The following RHOBTB3 variants were observed in gnomAD, a reference collection of about 807,000 sequenced individuals.
RHOBTB3 encodes Rho related BTB domain containing 3.
Under a neutral mutation model 67.2 loss-of-function variants are expected in RHOBTB3, and 47 were observed. The ratio of observed to expected loss-of-function variants is 0.70; its 90% CI spans 0.55 to 0.89. The LOEUF (loss-of-function observed/expected upper bound fraction) is 0.89, where lower values mean the gene tolerates loss of function less well. RHOBTB3 is among the 40% of genes least tolerant of loss of function. RHOBTB3 has a pLI of 0.00. For synonymous variants in RHOBTB3, 273 were observed against 274.2 expected, an observed-to-expected ratio of 1.00 and a Z score of 0.04; for missense variants, 631 against 750.0, an observed-to-expected ratio of 0.84 and a Z score of 1.85.
chr5:95,775,510 A>G, intron 8 of RHOBTB3, among the ~76,000 whole-genome samples: 1 of 151,514 alleles, frequency 6.6e-6, no homozygotes, highest in Non-Finnish European at 1.5e-5. Flanking sequence ...TCTAAAAAAA[A>G]TGGAAATGTT....
intron 5 of RHOBTB3, 48 bp downstream of exon 5, chr5:95,752,398 G>T: frequency 8.3e-7 from 1 of 1,209,224 alleles, no homozygotes; most frequent in Non-Finnish European, 1.2e-6. Context: ...ATTCATTACA[G>T]ATCCTTTCTC....
Position 95,755,649 on chromosome 5 carries a change from T to C in RHOBTB3, c.936T>C (p.Thr312=). The change falls in exon 6 of 12, where the codon ACT becomes ACC. Residue 312 remains threonine, a synonymous_variant. Coordinates refer to ENST00000379982, the MANE Select transcript of RHOBTB3 (RefSeq NM_014899.4). The part of the protein sequence containing the change: ...TQDLFAINRD[T]AFPGASHESS... ...ATCTTTTTGCTATAAACAGAGATAC[T>C]GCATTTCCAGGTGCTAGCCATGAAT... is the stretch of plus-strand genomic sequence containing the variant. 1 of 1,614,208 alleles carries C rather than the reference T, an allele frequency of 6.2e-7. No homozygotes were observed. The highest frequency in any genetic ancestry group is 8.5e-7 in the Non-Finnish European group (1 of 1,180,030).
At chr5:95,777,893 C>A (rs1470544418) in intron 8 of RHOBTB3, among the ~76,000 whole-genome samples, 1 of 152,052 alleles carries the variant, frequency 6.6e-6, no homozygotes, top group Non-Finnish European at 1.5e-5. Context: ...GAGGTGGGAG[C>A]ATCACGTGAA....
chr5:95,731,965 G>C lies in RHOBTB3; in HGVS notation c.109G>C (p.Gly37Arg). Residue 37 changes from glycine (G) to arginine (R), a missense_variant, in exon 2 of 12, where the codon GGG (glycine) becomes CGG (arginine). Gly to Arg is a moderately radical substitution (Grantham distance 125). Transcript: ENST00000379982. ...TYLGRSPLVSGDESSLLLNAA... is the reference protein window; with the variant it reads ...TYLGRSPLVSRDESSLLLNAA... ...CCTGGGGAGAAGCCCTCTGGTCTCC[G>C]GGGACGAGAGCAGCTTGTTGCTGAA... 1 of 1,614,140 alleles carries C rather than the reference G, an allele frequency of 6.2e-7. No individual in the cohort carries two copies. Among genetic ancestry groups the C allele is most frequent in the Non-Finnish European group, 8.5e-7 (1 of 1,180,020 alleles).
At chr5:95,738,962 C>CA (rs1755529034) in intron 3 of RHOBTB3, among the ~76,000 whole-genome samples, 2 of 152,204 alleles carry the variant, frequency 1.3e-5, no homozygotes, top group Non-Finnish European at 2.9e-5. Flanking sequence ...CTCCCACACA[C>CA]ACACAGCAGA....
intron 11 of RHOBTB3, chr5:95,789,070 A>G (rs1235870667): frequency 2.3e-6 from 1 of 444,330 alleles, no homozygotes. Context: ...GAAGTTTTCT[A>G]ATGATTATTT....
chr5:95,726,427 G>A (rs779845589), upstream of RHOBTB3, among the ~76,000 whole-genome samples: 3 of 152,042 alleles, frequency 2.0e-5, no homozygotes, highest in South Asian at 2.1e-4. Flanking sequence ...TATTGAATTC[G>A]CCTTCAATAC....
intron 10 of RHOBTB3, among the ~76,000 whole-genome samples, chr5:95,785,741 C>A (rs1746206430): frequency 6.6e-6 from 1 of 152,252 alleles, no homozygotes; most frequent in African/African-American, 2.4e-5. Context: ...TTTGATGTAT[C>A]ATTTTCATAC....
intron 1 of RHOBTB3, among the ~76,000 whole-genome samples, chr5:95,718,423 T>C (rs1754750620): frequency 6.6e-6 from 1 of 152,210 alleles, no homozygotes; most frequent in African/African-American, 2.4e-5. Context: ...AGAACGGATG[T>C]GGCTACATGC....
intron 10 of RHOBTB3, among the ~76,000 whole-genome samples, 170 bp from the exon 11 acceptor site, chr5:95,788,592 A>C: frequency 6.6e-6 from 1 of 152,320 alleles, no homozygotes; most frequent in East Asian, 1.9e-4. Context: ...ATTTGCTAAT[A>C]GTGCTCCCTC....
chr5:95,732,496 C>A (rs570360793), intron 2 of RHOBTB3: 122 of 305,726 alleles, frequency 4.0e-4, no homozygotes, highest in Non-Finnish European at 6.7e-4. Flanking sequence ...AAGCTCAACA[C>A]AGGCAAAAAT....
rs1746538445 is a variant in RHOBTB3 at position 95,795,336 on chromosome 5, C to T, written c.*2162C>T. 6.6e-6 allele frequency: 1 copy of T among 152,146 alleles called. No homozygotes were observed. Among genetic ancestry groups the T allele is most frequent in the South Asian group, 2.1e-4 (1 of 4,828 alleles). 9.4% of individuals were successfully genotyped at this position (152,146 alleles called of 1,614,324 possible). ...TGGTAGATTTCTAGAAATTCATTCA[C>T]ATTTAAGACTTCTAAAATGGAATAA... On this transcript the variant is annotated 3_prime_UTR_variant, in exon 12 of 12. Transcript: ENST00000379982.
rs1330610659 is a variant in RHOBTB3 at position 95,724,972 on chromosome 5, G to A, written n.134-6887G>A. On this transcript the variant is annotated intron_variant and non_coding_transcript_variant, in intron 1 of 5. Coordinates refer to the RHOBTB3 transcript ENST00000504949. ...GGAGGCTGAGGTGAGAGAATCAATTGAGTCTAGCCTAGTCAAAAAAGTGAG... is the reference window on the plus strand; with the variant it reads ...GGAGGCTGAGGTGAGAGAATCAATTAAGTCTAGCCTAGTCAAAAAAGTGAG... Among the ~76,000 whole-genome samples the A allele has an allele frequency of 2.6e-5, 4 of 151,898 alleles. No individual in the cohort carries two copies. The Middle Eastern group carries it at 0.01, about 387-fold the overall frequency.
intron 6 of RHOBTB3, among the ~76,000 whole-genome samples, chr5:95,762,588 ACC>A (rs3072751): frequency 0.51 from 76,995 of 151,866 alleles, 20,174 homozygotes; most frequent in Admixed American, 0.59. Flanking sequence ...TCCTAACTAT[ACC>A]GCCCACACTA....
At chr5:95,764,741 G>C (rs1037620971) in intron 7 of RHOBTB3, among the ~76,000 whole-genome samples, 2 of 152,080 alleles carry the variant, frequency 1.3e-5, no homozygotes, top group African/African-American at 4.8e-5. Flanking sequence ...TCTAAAACCT[G>C]TTAACATTTT....
In RHOBTB3 at chr5:95,795,701, T is replaced by G. The variant is rs963391181; in HGVS notation, c.*2527T>G. ...AGTCAGAAGAGAAATCAAATTAGTG[T>G]TTAAACCCATTTGCATATTGACTTG... On this transcript the variant is annotated 3_prime_UTR_variant, in exon 12 of 12. Coordinates refer to ENST00000379982, the MANE Select transcript of RHOBTB3 (RefSeq NM_014899.4). 8.5e-5 allele frequency: 13 copies of G among 152,204 alleles called. No individual in the cohort carries two copies. The highest frequency in any genetic ancestry group is 3.1e-4 in the African/African-American group (13 of 41,456). The allele number at this position is 152,204 out of a possible 1,614,324, so 9.4% of individuals were successfully genotyped here.
chr5:95,729,624 A>G (rs1057380118), upstream of RHOBTB3, among the ~76,000 whole-genome samples: 1 of 152,220 alleles, frequency 6.6e-6, no homozygotes, highest in Admixed American at 6.5e-5. Context: ...AGATCTCTGT[A>G]ACTTTTTCTT....
intron 2 of RHOBTB3, chr5:95,732,492 A>C: frequency 5.5e-5 from 17 of 307,672 alleles, no homozygotes; most frequent in East Asian, 1.7e-4. Flanking sequence ...CTCAAAGCTC[A>C]ACACAGGCAA....
chr5:95,767,024 G>A (rs554985407), intron 7 of RHOBTB3, among the ~76,000 whole-genome samples: 18 of 152,228 alleles, frequency 1.2e-4, no homozygotes, highest in African/African-American at 4.1e-4. Context: ...TTTGAGACCA[G>A]CCTGGGAAAA....
Sources: allele counts gnomAD v4.1 joint callset (sites outside exome capture counted in the v4.1 genomes callset), GRCh38; gene constraint gnomAD v4.1.1; transcripts MANE v1.5; gene names NCBI Gene and HGNC (gene_info 2026-07-23, HGNC 2026-07-21).